ROBO2: variants seen among roughly 807,000 people sequenced by gnomAD.
ROBO2 encodes the protein roundabout homolog 2.
A neutral mutation model predicts 160.8 loss-of-function variants in ROBO2; 53 were observed. The observed-to-expected ratio is 0.33, with a 90% CI of 0.26 to 0.41. ROBO2 has a LOEUF of 0.41. Ranked by LOEUF, ROBO2 falls within the 10% of genes least tolerant of loss-of-function variation. The probability of loss-of-function intolerance (pLI) is 1.00; values close to 1 mark genes in which losing one functional copy is unlikely to be tolerated. For missense variants in ROBO2, 1,577 were observed against 1,722.4 expected, an observed-to-expected ratio of 0.92 and a Z score of 1.49; for synonymous variants, 664 against 611.7, an observed-to-expected ratio of 1.09 and a Z score of -1.26.
chr3:76,958,167 G>T, intron 2 of ROBO2, among the ~76,000 whole-genome samples: 1 of 152,244 alleles, frequency 6.6e-6, no homozygotes, highest in Middle Eastern at 3.4e-3. Flanking sequence ...TCATTGCTGC[G>T]ACCATTGCAA....
rs1165133776 is a variant in ROBO2, at chr3:77,003,463, T to C, written c.110-94551T>C. Among the ~76,000 whole-genome samples the C allele has an allele frequency of 5.0e-4, 76 of 152,296 alleles. 1 individual carries two copies. Among genetic ancestry groups the C allele is most frequent in the Non-Finnish European group, 7.4e-5 (5 of 68,016 alleles). ...ACACAAGAACAATTATAATCACCAT[T>C]AGTCTTTGTTTTTTTCCCATGCCTT... On this transcript the variant is annotated intron_variant, in intron 2 of 26. Coordinates refer to the ROBO2 transcript ENST00000487694.
upstream of ROBO2, among the ~76,000 whole-genome samples, chr3:77,037,176 T>C (rs764555917): frequency 8.5e-5 from 13 of 152,188 alleles, no homozygotes; most frequent in Non-Finnish European, 1.9e-4. Flanking sequence ...TCCTAAACTA[T>C]CATTTGGGAT....
chr3:77,398,992 G>C (rs2075555417), intron 2 of ROBO2, among the ~76,000 whole-genome samples: 1 of 152,072 alleles, frequency 6.6e-6, no homozygotes, highest in South Asian at 2.1e-4. Flanking sequence ...TCAAGGTCCT[G>C]TTTCAGAAAT....
intron 2 of ROBO2, among the ~76,000 whole-genome samples, chr3:77,113,096 C>T (rs2073834696): frequency 6.6e-6 from 1 of 152,148 alleles, no homozygotes; most frequent in Non-Finnish European, 1.5e-5. Context: ...TTTGTGCATA[C>T]GTCTTGCACG....
intron 2 of ROBO2, among the ~76,000 whole-genome samples, chr3:76,535,781 A>G (rs11915174): frequency 0.023 from 3,499 of 152,212 alleles, 140 homozygotes; most frequent in African/African-American, 0.078. Flanking sequence ...CCCTTGAAAG[A>G]AGGTAATGTG....
intron 2 of ROBO2, among the ~76,000 whole-genome samples, chr3:76,747,382 C>A (rs1447376240): frequency 6.6e-6 from 1 of 151,908 alleles, no homozygotes; most frequent in Non-Finnish European, 1.5e-5. Context: ...ATATACTTAT[C>A]TTTCATAGAA....
chr3:76,305,869 C>T (rs901525834), intron 2 of ROBO2, among the ~76,000 whole-genome samples: 2 of 151,700 alleles, frequency 1.3e-5, no homozygotes, highest in African/African-American at 4.8e-5. Context: ...AAAAAAACAT[C>T]ACCTTGTGAT....
At chr3:76,318,017 T>G (rs967621068) in intron 2 of ROBO2, among the ~76,000 whole-genome samples, 5 of 152,098 alleles carry the variant, frequency 3.3e-5, no homozygotes, top group African/African-American at 1.2e-4. Flanking sequence ...TCATTTTAAT[T>G]ATATATTTGT....
intron 2 of ROBO2, among the ~76,000 whole-genome samples, chr3:76,461,938 A>C (rs1322496624): frequency 6.6e-6 from 1 of 152,174 alleles, no homozygotes; most frequent in African/African-American, 2.4e-5. Context: ...GCATAACGTA[A>C]GCATAAAAGG....
chr3:76,990,345 A>C (rs569231282), intron 2 of ROBO2, among the ~76,000 whole-genome samples: 1 of 152,218 alleles, frequency 6.6e-6, no homozygotes, highest in African/African-American at 2.4e-5. Flanking sequence ...ATTAATAACA[A>C]AAACAAAACA....
At chr3:76,486,403 A>G (rs1015347156) in intron 2 of ROBO2, among the ~76,000 whole-genome samples, 4 of 152,168 alleles carry the variant, frequency 2.6e-5, no homozygotes, top group Non-Finnish European at 5.9e-5. Context: ...CATCTGTCGT[A>G]TGTACAACTG....
At chr3:76,214,313 C>T (rs1012067825) in intron 2 of ROBO2, among the ~76,000 whole-genome samples, 17 of 152,020 alleles carry the variant, frequency 1.1e-4, no homozygotes, top group Non-Finnish European at 1.6e-4. Flanking sequence ...TGTTAAAACT[C>T]GGTCCCTCAG....
At chr3:76,935,712 T>C (rs1213461058) in intron 2 of ROBO2, among the ~76,000 whole-genome samples, 1 of 152,188 alleles carries the variant, frequency 6.6e-6, no homozygotes, top group Non-Finnish European at 1.5e-5. Context: ...TGTTCTGCCA[T>C]AGTGAAAGTG....
intron 2 of ROBO2, among the ~76,000 whole-genome samples, chr3:76,803,294 G>T (rs889973794): frequency 6.6e-6 from 1 of 152,008 alleles, no homozygotes; most frequent in South Asian, 2.1e-4. Flanking sequence ...GATTCCTCTG[G>T]ATAGCAAATG....
At chr3:76,268,007 G>C (rs765559111) in intron 2 of ROBO2, among the ~76,000 whole-genome samples, 1 of 152,148 alleles carries the variant, frequency 6.6e-6, no homozygotes, top group Non-Finnish European at 1.5e-5. Context: ...CATGACCAGA[G>C]ATGTGGCAAG....
chr3:77,377,204 T>C (rs2072806208), intron 2 of ROBO2, among the ~76,000 whole-genome samples: 1 of 152,136 alleles, frequency 6.6e-6, no homozygotes, highest in Admixed American at 6.6e-5. Flanking sequence ...AATTCAAAAG[T>C]ATAAAGGAAT....
chr3:77,166,621 C>T lies in ROBO2; in HGVS notation c.388+68281C>T, dbSNP rs151195541. ...TCGCCCAGGCTGGGGTGCGGTGGCG[C>T]CATCTTGGCTCACTGCAGGCTCCAC... is the stretch of plus-strand genomic sequence containing the variant. On this transcript the variant is annotated intron_variant, in intron 2 of 25. Coordinates refer to ENST00000461745, the Ensembl canonical transcript of ROBO2. Among the ~76,000 whole-genome samples the T allele has an allele frequency of 7.7e-3, 1,175 of 152,222 alleles. 16 individuals are homozygous for T. The highest frequency in any genetic ancestry group is 0.027 in the African/African-American group (1,119 of 41,528).
At chr3:77,236,055 G>A (rs1240601660) in intron 2 of ROBO2, among the ~76,000 whole-genome samples, 1 of 152,232 alleles carries the variant, frequency 6.6e-6, no homozygotes, top group African/African-American at 2.4e-5. Flanking sequence ...CAGCCCTCAG[G>A]AGACCCTGAG....
chr3:76,462,621 AG>A (rs1169270888), intron 2 of ROBO2, among the ~76,000 whole-genome samples: 8 of 150,922 alleles, frequency 5.3e-5, no homozygotes, highest in African/African-American at 2.0e-4. Flanking sequence ...AAAAAAAAAA[AG>A]AATAAGATAC....
Sources: gnomAD v4.1 joint callset for allele counts (sites outside exome capture counted in the v4.1 genomes callset) on GRCh38, gnomAD v4.1.1 for gene constraint, MANE v1.5 for transcripts, NCBI Gene and HGNC (gene_info 2026-07-23, HGNC 2026-07-21) for gene names.